The following L3MBTL4 variants were observed in gnomAD, a reference collection of about 807,000 sequenced individuals.
The protein encoded by L3MBTL4 is L3MBTL histone methyl-lysine binding protein 4.
Under a neutral mutation model 84.5 loss-of-function variants are expected in L3MBTL4, and 70 were observed. That is an observed-to-expected ratio of 0.83 (90% CI 0.68 to 1.01). The LOEUF is 1.01. L3MBTL4 is among the 50% of genes least tolerant of loss of function. The pLI is 0.00. For synonymous variants in L3MBTL4, 274 were observed against 259.8 expected, an observed-to-expected ratio of 1.05 and a Z score of -0.52; for missense variants, 715 against 754.8, an observed-to-expected ratio of 0.95 and a Z score of 0.62.
intron 11 of L3MBTL4, 128 bp from the exon 12 acceptor site, chr18:6,213,387 GT>G (rs1005536204): frequency 5.3e-6 from 3 of 569,288 alleles, no homozygotes; most frequent in Non-Finnish European, 9.3e-6. Context: ...GGAATTTAGT[GT>G]TTTTTGTTTT....
chr18:6,320,425 G>C (rs1035204802), intron 1 of L3MBTL4, among the ~76,000 whole-genome samples: 1 of 152,098 alleles, frequency 6.6e-6, no homozygotes, highest in African/African-American at 2.4e-5. Context: ...ATTCGGTAAA[G>C]TCTCAGGTTA....
chr18:6,296,283 T>C (rs1425905294), intron 4 of L3MBTL4, among the ~76,000 whole-genome samples: 3 of 152,222 alleles, frequency 2.0e-5, no homozygotes, highest in Admixed American at 2.0e-4. Context: ...AATCTGTGCT[T>C]CTTCAGGCCT....
intron 17 of L3MBTL4, among the ~76,000 whole-genome samples, chr18:5,964,812 C>T (rs7235198): frequency 6.6e-6 from 1 of 152,132 alleles, no homozygotes; most frequent in Non-Finnish European, 1.5e-5. Flanking sequence ...CGTGTGCCTA[C>T]ACATATATAC....
chr18:5,992,488 C>T (rs1426093908), intron 16 of L3MBTL4, among the ~76,000 whole-genome samples: 1 of 152,166 alleles, frequency 6.6e-6, no homozygotes, highest in Non-Finnish European at 1.5e-5. Flanking sequence ...CTTTGAACAA[C>T]TCCTGGAAGC....
chr18:6,408,555 G>A (rs2144726958), intron 1 of L3MBTL4, among the ~76,000 whole-genome samples: 1 of 152,176 alleles, frequency 6.6e-6, no homozygotes, highest in African/African-American at 2.4e-5. Context: ...ACCTCCTTTA[G>A]AACATATAAG....
Position 6,370,687 on chromosome 18 carries a change from C to T in L3MBTL4, c.-91+44114G>A, listed in dbSNP as rs569496628. On this transcript the variant is annotated intron_variant, in intron 1 of 18. Transcript: ENST00000317931. ...AAAGGTTTGGCGGTGGTGAAGAGTC[C>T]TCCCTGTTGGGAGACTGAGCCGGGA... is the stretch of plus-strand genomic sequence containing the variant. Among the ~76,000 whole-genome samples the T allele has an allele frequency of 1.2e-3, 181 of 152,286 alleles. 2 individuals carry two copies. The highest frequency in any genetic ancestry group is 4.1e-3 in the African/African-American group (172 of 41,558).
At chr18:6,115,508 G>T (rs181548247) in intron 14 of L3MBTL4, among the ~76,000 whole-genome samples, 1 of 152,172 alleles carries the variant, frequency 6.6e-6, no homozygotes, top group Non-Finnish European at 1.5e-5. Context: ...CACCCATTTG[G>T]GTGGAGGGAA....
chr18:6,012,238 G>A (rs1381098802), intron 16 of L3MBTL4, among the ~76,000 whole-genome samples: 2 of 152,084 alleles, frequency 1.3e-5, no homozygotes, highest in Non-Finnish European at 2.9e-5. Context: ...TGGAGGAAAG[G>A]TTATCCTAAG....
chr18:6,263,759 G>C (rs570331782), intron 5 of L3MBTL4, among the ~76,000 whole-genome samples, 188 bp downstream of exon 5: 1 of 152,338 alleles, frequency 6.6e-6, no homozygotes, highest in South Asian at 2.1e-4. Context: ...AGAGCTGGCA[G>C]GTGGCGGCGC....
At chr18:6,388,551 T>C (rs1357492398) in intron 1 of L3MBTL4, among the ~76,000 whole-genome samples, 1 of 152,060 alleles carries the variant, frequency 6.6e-6, no homozygotes, top group Non-Finnish European at 1.5e-5. Context: ...AGCCAGGGGA[T>C]GCTGGTACGG....
intron 4 of L3MBTL4, among the ~76,000 whole-genome samples, chr18:6,266,777 G>T (rs765730950): frequency 2.0e-4 from 30 of 152,022 alleles, no homozygotes; most frequent in Non-Finnish European, 4.1e-4. Flanking sequence ...TACAAAATTA[G>T]CCAGGTATAA....
intron 1 of L3MBTL4, among the ~76,000 whole-genome samples, chr18:6,345,215 C>CAAAAAAAAAAAAAA (rs35502624): frequency 9.1e-3 from 341 of 37,382 alleles, no homozygotes; most frequent in Non-Finnish European, 0.011. Context: ...TACTAAAATA[C>CAAAAAAAAAAAAAA]AAAAAAAAAA....
Position 6,024,063 on chromosome 18 carries a change from C to G in L3MBTL4, c.1445-54501G>C, listed in dbSNP as rs1030234138. ...AGCTAATTTTTGTATTTTTAGTAGA[C>G]ACCGGGTTTCACCATGTTGGCCAGG... On this transcript the variant is annotated intron_variant, in intron 16 of 18. Coordinates refer to ENST00000317931, the MANE Select transcript of L3MBTL4 (RefSeq NM_001330559.2). Among the ~76,000 whole-genome samples, 11 of 152,122 alleles carry G rather than the reference C, an allele frequency of 7.2e-5. No individual in the cohort carries two copies. In the East Asian group the frequency reaches 2.1e-3, roughly 29 times the overall value.
chr18:6,170,741 G>A (rs538630326), intron 13 of L3MBTL4, among the ~76,000 whole-genome samples: 2 of 152,252 alleles, frequency 1.3e-5, no homozygotes, highest in South Asian at 2.1e-4. Flanking sequence ...GGTGTATTGG[G>A]GGGGGTTCAC....
At chr18:5,995,141 T>A (rs1454335142) in intron 16 of L3MBTL4, among the ~76,000 whole-genome samples, 1 of 152,276 alleles carries the variant, frequency 6.6e-6, no homozygotes, top group African/African-American at 2.4e-5. Flanking sequence ...ACGTGTTTGA[T>A]GCATGGGTCT....
chr18:6,178,693 T>C (rs16949562), intron 12 of L3MBTL4, among the ~76,000 whole-genome samples: 4,869 of 152,150 alleles, frequency 0.032, 278 homozygotes, highest in African/African-American at 0.11. Context: ...TGTGTCCTAA[T>C]GGTATTAACG....
At chr18:6,189,033 T>C (rs963702324) in intron 12 of L3MBTL4, among the ~76,000 whole-genome samples, 9 of 152,220 alleles carry the variant, frequency 5.9e-5, no homozygotes, top group African/African-American at 2.2e-4. Context: ...CTCACAGTTC[T>C]GGGGGCCAGA....
intron 14 of L3MBTL4, among the ~76,000 whole-genome samples, chr18:6,101,439 G>A (rs1008256576): frequency 2.0e-5 from 3 of 152,144 alleles, no homozygotes; most frequent in Non-Finnish European, 4.4e-5. Context: ...TCCTTTTAAT[G>A]TTAAGGATTT....
chr18:6,058,451 A>G (rs1307169029), intron 16 of L3MBTL4, among the ~76,000 whole-genome samples: 1 of 152,038 alleles, frequency 6.6e-6, no homozygotes, highest in Non-Finnish European at 1.5e-5. Flanking sequence ...CTCCCCAAGG[A>G]GACTATGAAT....
Sources: gnomAD v4.1 joint callset for allele counts (sites outside exome capture counted in the v4.1 genomes callset) on GRCh38, gnomAD v4.1.1 for gene constraint, MANE v1.5 for transcripts, NCBI Gene and HGNC (gene_info 2026-07-23, HGNC 2026-07-21) for gene names.